Variants in SLC38A9 observed in about 807,000 individuals in gnomAD.
The protein encoded by SLC38A9 is solute carrier family 38 member 9.
A neutral mutation model predicts 62.3 loss-of-function variants in SLC38A9; 48 were observed. That is an observed-to-expected ratio of 0.77 (90% CI 0.61 to 0.98). The LOEUF (loss-of-function observed/expected upper bound fraction) is 0.98, where lower values mean the gene tolerates loss of function less well. SLC38A9 is among the 50% of genes least tolerant of loss of function. The pLI, the probability that SLC38A9 is intolerant of heterozygous loss-of-function variation, is 0.00. For synonymous variants in SLC38A9, 204 were observed against 227.7 expected, an observed-to-expected ratio of 0.90 and a Z score of 0.94; for missense variants, 541 against 679.8, an observed-to-expected ratio of 0.80 and a Z score of 2.27.
chr5:55,666,161 TA>T (rs1750432480), intron 7 of SLC38A9, among the ~76,000 whole-genome samples: 1 of 152,098 alleles, frequency 6.6e-6, no homozygotes, highest in African/African-American at 2.4e-5. Flanking sequence ...AGAAGACAAC[TA>T]AAATACAATA....
At chr5:55,629,781 A>G (rs545231629) in intron 14 of SLC38A9, among the ~76,000 whole-genome samples, 91 of 152,352 alleles carry the variant, frequency 6.0e-4, no homozygotes, top group African/African-American at 2.1e-3. Flanking sequence ...AAAGTTTTCA[A>G]ATAAAAACTA....
Position 55,664,043 on chromosome 5 carries a change from G to A in SLC38A9, c.697+650C>T, listed in dbSNP as rs555206213. ...TAAACTTCCAGCTCGGTACAGTGGC[G>A]TGAGTCTGTAACCAGGAGGCTGAGG... On this transcript the variant is annotated intron_variant, in intron 8 of 15. Transcript: ENST00000396865. Among the ~76,000 whole-genome samples the A allele has an allele frequency of 1.6e-4, 25 of 151,890 alleles. 1 individual carries two copies. The South Asian group carries it at 4.6e-3, about 28-fold the overall frequency.
At chr5:55,673,799 C>T (rs998283680) in intron 3 of SLC38A9, among the ~76,000 whole-genome samples, 5 of 151,628 alleles carry the variant, frequency 3.3e-5, no homozygotes, top group African/African-American at 1.2e-4. Flanking sequence ...GCAACCTCCA[C>T]CTCCTGAGTT....
At chr5:55,692,505 G>C (rs928072523) in intron 3 of SLC38A9, 2 of 460,108 alleles carry the variant, frequency 4.3e-6, no homozygotes, top group Non-Finnish European at 5.7e-6. Flanking sequence ...TAAATAGTTT[G>C]TTTTCCTAAA....
intron 8 of SLC38A9, among the ~76,000 whole-genome samples, chr5:55,661,239 T>G (rs938935955): frequency 6.6e-5 from 10 of 151,710 alleles, no homozygotes; most frequent in African/African-American, 2.2e-4. Context: ...GGTCAGGAGA[T>G]CCAGACCATC....
chr5:55,684,018 CATT>C (rs1402147445), intron 3 of SLC38A9, among the ~76,000 whole-genome samples: 1 of 152,170 alleles, frequency 6.6e-6, no homozygotes, highest in Admixed American at 6.5e-5. Flanking sequence ...AGTCAACATT[CATT>C]ATTGTCACTG....
rs916374085 is a variant in SLC38A9, at chr5:55,626,795, C to T, written c.1521-136G>A. ...TTATTTTTGATTCATTTGTTGTTGA[C>T]ATAAAACATCTGGGTTTAAAACTTA... On this transcript the variant is annotated intron_variant, in intron 15 of 15. Transcript: ENST00000396865. The T allele has an allele frequency of 7.5e-5, 54 of 716,708 alleles. No individual in the cohort carries two copies. In the African/African-American group the frequency reaches 9.2e-4, roughly 12 times the overall value. 44.4% of individuals were successfully genotyped at this position (716,708 alleles called of 1,614,324 possible). A position where few individuals can be genotyped will look rare whatever the true frequency, so the allele number is the denominator to read the frequency against.
intron 3 of SLC38A9, among the ~76,000 whole-genome samples, chr5:55,690,749 T>C (rs1004447399): frequency 1.2e-5 from 1 of 84,800 alleles, no homozygotes; most frequent in African/African-American, 3.6e-5. Context: ...CCTTAGTAAA[T>C]ATCATTGTAC....
rs150355522 is a variant in SLC38A9, at chr5:55,673,006, T to C, written c.114-311A>G. 3.2e-3 allele frequency among the ~76,000 whole-genome samples: 486 copies of C among 152,216 alleles called. 1 individual carries two copies. Among genetic ancestry groups the C allele is most frequent in the Non-Finnish European group, 5.7e-3 (389 of 67,984 alleles). ...TAAAAAGAAATACAGCAGCTATCAA[T>C]TTCCAACAATGAAACTTAAGACAGC... On this transcript the variant is annotated intron_variant, in intron 3 of 15. Coordinates refer to ENST00000396865, the MANE Select transcript of SLC38A9 (RefSeq NM_173514.4).
At chr5:55,630,745 T>C (rs1743298235) in intron 14 of SLC38A9, among the ~76,000 whole-genome samples, 1 of 152,234 alleles carries the variant, frequency 6.6e-6, no homozygotes, top group Non-Finnish European at 1.5e-5. Flanking sequence ...AATCACATCA[T>C]GGAGACTGGG....
In SLC38A9 at chr5:55,677,925, ATTGTGT is replaced by A. The variant is rs1299079921; in HGVS notation, c.114-5236_114-5231del. On this transcript the variant is annotated intron_variant, in intron 3 of 15. Transcript: ENST00000396865. ...CTAAATCAATACTTTTTTTTTCTTT[ATTGTGT>A]GTGTGTGTGTGTGTGTGTGTGTGTG... is the stretch of plus-strand genomic sequence containing the variant. Among the ~76,000 whole-genome samples the A allele has an allele frequency of 8.3e-3, 220 of 26,412 alleles. 5 individuals are homozygous for A. The highest frequency in any genetic ancestry group is 0.016 in the African/African-American group (207 of 12,588). The allele number at this position is 26,412 out of a possible 152,430, so 17.3% of individuals were successfully genotyped here.
In SLC38A9 at chr5:55,656,695, C is replaced by T; in HGVS notation, c.757+20G>A. On this transcript the variant is annotated intron_variant, in intron 9 of 15. Coordinates refer to ENST00000396865, the MANE Select transcript of SLC38A9 (RefSeq NM_173514.4). ...GCAAGGTGGAGAGTAAAGAAACAAA[C>T]AACATCCCAAACTACTTACCAGGGT... 6.4e-7 allele frequency: 1 copy of T among 1,565,802 alleles called. No homozygotes were observed. Among genetic ancestry groups the T allele is most frequent in the Non-Finnish European group, 8.8e-7 (1 of 1,136,688 alleles).
Position 55,626,518 on chromosome 5 carries a change from G to T in SLC38A9, c.1662C>A (p.Asn554Lys). 6.2e-7 allele frequency: 1 copy of T among 1,612,932 alleles called. No individual in the cohort carries two copies. Among genetic ancestry groups the T allele is most frequent in the Non-Finnish European group, 8.5e-7 (1 of 1,179,520 alleles). Residue 554 changes from asparagine to lysine, a missense_variant, in exon 16 of 16, where the codon AAC becomes AAA. Transcript: ENST00000396865. The part of the protein sequence containing the change: ...HVFIIILGVA[N>K]LIVQFFM ...TTCACATAAAAAACTGAACAATCAG[G>T]TTAGCCACGCCCAAAATGATGATGA...
chr5:55,691,187 A>G (rs1754688712), intron 3 of SLC38A9: 1 of 849,428 alleles, frequency 1.2e-6, no homozygotes. Flanking sequence ...CTTCATATTT[A>G]CCGGATTCTC....
intron 12 of SLC38A9, among the ~76,000 whole-genome samples, chr5:55,639,920 C>A (rs1745138817): frequency 6.7e-6 from 1 of 148,316 alleles, no homozygotes; most frequent in Admixed American, 6.7e-5. Context: ...AAAGGTAGAC[C>A]ATCACTTCAT....
chr5:55,646,129 A>G (rs141308355), intron 11 of SLC38A9, among the ~76,000 whole-genome samples: 188 of 152,328 alleles, frequency 1.2e-3, no homozygotes, highest in African/African-American at 4.4e-3. Context: ...TAATCCTAAC[A>G]TTTTGGGAGG....
At chr5:55,678,138 G>GGTTTT (rs1554063004) in intron 3 of SLC38A9, among the ~76,000 whole-genome samples, 3 of 129,444 alleles carry the variant, frequency 2.3e-5, no homozygotes, top group Non-Finnish European at 4.8e-5. Context: ...AAGGTTACTG[G>GGTTTT]TTTTTTTTTC....
intron 8 of SLC38A9, among the ~76,000 whole-genome samples, chr5:55,662,274 T>C (rs1026314824): frequency 2.6e-5 from 4 of 152,186 alleles, no homozygotes; most frequent in African/African-American, 7.2e-5. Context: ...GATAAAAAAG[T>C]TGTATATTCA....
chr5:55,709,540 C>T (rs1016098186), intron 2 of SLC38A9, among the ~76,000 whole-genome samples: 2 of 151,676 alleles, frequency 1.3e-5, no homozygotes, highest in African/African-American at 4.8e-5. Flanking sequence ...TATGACAGTG[C>T]CACTGCACTA....
Sources: allele counts gnomAD v4.1 joint callset (sites outside exome capture counted in the v4.1 genomes callset), GRCh38; gene constraint gnomAD v4.1.1; transcripts MANE v1.5; gene names NCBI Gene and HGNC (gene_info 2026-07-23, HGNC 2026-07-21).